The following EPG5 variants were observed in gnomAD, a reference collection of about 807,000 sequenced individuals.
EPG5 encodes the protein ectopic P granules protein 5 homolog.
A neutral mutation model predicts 302.7 loss-of-function variants in EPG5; 159 were observed. The ratio of observed to expected loss-of-function variants is 0.53; its 90% CI spans 0.46 to 0.60. The LOEUF (loss-of-function observed/expected upper bound fraction) is 0.60, where lower values mean the gene tolerates loss of function less well. Ranked by LOEUF, EPG5 falls within the 20% of genes least tolerant of loss-of-function variation. EPG5 has a pLI of 0.00. For missense variants in EPG5, 2,896 were observed against 3,092.4 expected (o/e 0.94, Z 1.51); for synonymous variants, 1,158 against 1,136.8 (o/e 1.02, Z -0.37).
rs2050382020 is a variant in EPG5 at position 45,930,800 on chromosome 18, C to G, written c.2288G>C (p.Cys763Ser). Residue 763 changes from cysteine to serine, a missense_variant, in exon 12 of 44, where the codon TGT becomes TCT. By Grantham distance (112) the Cys-to-Ser change is moderately radical (BLOSUM62 -1). Coordinates refer to ENST00000282041, the MANE Select transcript of EPG5 (RefSeq NM_020964.3). The part of the protein sequence containing the change: ...DPEHFTNFEK[C>S]LSSMNSSEEI... ...TTCTGAGCTATTCATAGAAGAAAGA[C>G]ACTTCTCAAAGTTGGTAAAATGTTC... is the stretch of plus-strand genomic sequence containing the variant. 5 of 1,601,208 alleles carry G rather than the reference C, an allele frequency of 3.1e-6. No homozygotes were observed. Among genetic ancestry groups the G allele is most frequent in the Non-Finnish European group, 4.2e-6 (5 of 1,176,564 alleles).
chr18:45,827,090 A>G, the EPG5 span, among the ~76,000 whole-genome samples: 1 of 152,082 alleles, frequency 6.6e-6, no homozygotes, highest in African/African-American at 2.4e-5. Context: ...AATTTTTTAA[A>G]TTTTTAGTAG....
chr18:45,823,383 G>A, the EPG5 span, among the ~76,000 whole-genome samples: 1 of 152,094 alleles, frequency 6.6e-6, no homozygotes, highest in African/African-American at 2.4e-5. Context: ...GATCTAAGAG[G>A]CAACTTGAGC....
intron 22 of EPG5, among the ~76,000 whole-genome samples, chr18:45,911,106 C>CATATAT (rs200695340): frequency 4.1e-5 from 6 of 144,996 alleles, no homozygotes; most frequent in East Asian, 2.0e-4. Context: ...CACACACACA[C>CATATAT]ACACATATAT....
At chr18:45,929,221 C>T (rs2050346183) in intron 12 of EPG5, among the ~76,000 whole-genome samples, 1 of 152,184 alleles carries the variant, frequency 6.6e-6, no homozygotes, top group South Asian at 2.1e-4. Flanking sequence ...ATGGCAACTT[C>T]TTATAACAAT....
At chr18:45,830,524 G>A in the EPG5 span, among the ~76,000 whole-genome samples, 125,455 of 151,448 alleles carry the variant, frequency 0.83, 52,683 homozygotes, top group East Asian at 0.98. Flanking sequence ...GCTACTTTCA[G>A]GTCAGTTTTC....
the EPG5 span, among the ~76,000 whole-genome samples, chr18:45,820,622 C>T: frequency 1.3e-5 from 2 of 151,764 alleles, no homozygotes; most frequent in Non-Finnish European, 2.9e-5. Context: ...GAGATTGACA[C>T]CTCTGTTCCA....
Position 45,923,378 on chromosome 18 carries a change from G to A in EPG5, c.2728C>T (p.His910Tyr). 1.2e-6 allele frequency: 2 copies of A among 1,612,458 alleles called. No homozygotes were observed. Among genetic ancestry groups the A allele is most frequent in the Non-Finnish European group, 8.5e-7 (1 of 1,179,596 alleles). Residue 910 changes from histidine (H) to tyrosine (Y), a missense_variant, in exon 15 of 44, where the codon CAT (histidine) becomes TAT (tyrosine). His to Tyr is a moderately conservative substitution (Grantham distance 83). This residue lies in a region of EPG5 where 1,390 missense variants were observed against 1,430.0 expected (regional missense o/e 0.97). Transcript: ENST00000282041. ...NWGFAKQATL[H>Y]LDQAVHAEVA... is the part of the protein sequence containing the mutation. ...TCAGCATGGACTGCTTGATCCAGAT[G>A]AAGGGTAGCCTTTTAAAGAGAAAAA...
the EPG5 span, among the ~76,000 whole-genome samples, chr18:45,818,776 C>G: frequency 2.3e-5 from 3 of 132,662 alleles, no homozygotes; most frequent in African/African-American, 5.8e-5. Context: ...CTCTGTCACT[C>G]AGGCTGGAGT....
intron 1 of EPG5, 33 bp downstream of exon 1, chr18:45,967,144 C>A (rs1227776019): frequency 4.0e-6 from 6 of 1,499,204 alleles, no homozygotes; most frequent in Non-Finnish European, 5.3e-6. Flanking sequence ...CAGCACACTG[C>A]CAGAGCCTCG....
At chr18:45,838,521 C>T in the EPG5 span, 1 of 738,530 alleles carries the variant, frequency 1.4e-6, no homozygotes, top group Non-Finnish European at 2.1e-6. Flanking sequence ...TCATGATCCT[C>T]ACTTTACACA....
At chr18:45,946,555 G>A in intron 7 of EPG5, 108 bp downstream of exon 7, 1 of 786,358 alleles carries the variant, frequency 1.3e-6, no homozygotes, top group South Asian at 1.7e-5. Context: ...TCATGGAGTT[G>A]CTGAGAGAAT....
At chr18:45,856,790 T>C (rs1287585491) in intron 42 of EPG5, among the ~76,000 whole-genome samples, 1 of 150,560 alleles carries the variant, frequency 6.6e-6, no homozygotes, top group Non-Finnish European at 1.5e-5. Context: ...AAGGAAACCA[T>C]GATGTAAGTA....
At chr18:45,966,000 C>CCGAG (rs1242456404) in intron 1 of EPG5, among the ~76,000 whole-genome samples, 2 of 151,460 alleles carry the variant, frequency 1.3e-5, no homozygotes, top group African/African-American at 2.4e-5. Context: ...TTGCGGTGAG[C>CCGAG]CGAGATTGCA....
the EPG5 span, chr18:45,840,090 G>A: frequency 9.0e-7 from 1 of 1,109,830 alleles, no homozygotes; most frequent in South Asian, 1.5e-5. Context: ...CTAGTCTGCT[G>A]TTTGCTTCAA....
chr18:45,926,727 C>T (rs540350461), intron 13 of EPG5, among the ~76,000 whole-genome samples: 1 of 151,498 alleles, frequency 6.6e-6, no homozygotes, highest in Non-Finnish European at 1.5e-5. Context: ...GCAGGAGAAT[C>T]GCTTGAACCC....
chr18:45,933,393 T>C (rs566564096), intron 11 of EPG5, among the ~76,000 whole-genome samples: 1 of 151,920 alleles, frequency 6.6e-6, no homozygotes, highest in Middle Eastern at 3.2e-3. Context: ...GAGACAGAAA[T>C]GGAGGCTGAG....
the EPG5 span, chr18:45,838,882 C>A: frequency 6.3e-7 from 1 of 1,593,168 alleles, no homozygotes. Flanking sequence ...TCACGGCCAC[C>A]TAGTGACCGC....
chr18:45,820,520 AG>A, the EPG5 span, among the ~76,000 whole-genome samples: 1 of 152,144 alleles, frequency 6.6e-6, no homozygotes, highest in Non-Finnish European at 1.5e-5. Context: ...TGAGAAATTC[AG>A]TTCAGCCTGG....
intron 30 of EPG5, among the ~76,000 whole-genome samples, chr18:45,883,012 CAAAAAA>C (rs35030980): frequency 1.1e-5 from 1 of 87,460 alleles, no homozygotes; most frequent in African/African-American, 3.8e-5. Context: ...CGTCTCACAA[CAAAAAA>C]AAAAAAAAAA....
Sources: gnomAD v4.1 joint callset for allele counts (sites outside exome capture counted in the v4.1 genomes callset) on GRCh38, gnomAD v4.1.1 for gene constraint, gnomAD v4.1.1 regional missense constraint, MANE v1.5 for transcripts, NCBI Gene and HGNC (gene_info 2026-07-23, HGNC 2026-07-21) for gene names.